The following KIAA0319L variants were observed in gnomAD, a reference collection of about 807,000 sequenced individuals.
KIAA0319L encodes dyslexia-associated protein KIAA0319-like protein.
Under a neutral mutation model 120.1 loss-of-function variants are expected in KIAA0319L, and 55 were observed. The ratio of observed to expected loss-of-function variants is 0.46; its 90% CI spans 0.37 to 0.57. The LOEUF is 0.57. Among genes scored for constraint, KIAA0319L ranks in the 20% least tolerant of loss-of-function variants. The probability of loss-of-function intolerance (pLI) is 0.00; values close to 1 mark genes in which losing one functional copy is unlikely to be tolerated. For missense variants in KIAA0319L, 1,049 were observed against 1,255.3 expected (o/e 0.84, Z 2.48); for synonymous variants, 398 against 471.9 (o/e 0.84, Z 2.03).
In KIAA0319L at chr1:35,454,484, C is replaced by T; in HGVS notation, c.1658G>A (p.Gly553Asp). 1 of 1,613,892 alleles carries T rather than the reference C, an allele frequency of 6.2e-7. No individual in the cohort carries two copies. The highest frequency in any genetic ancestry group is 8.5e-7 in the Non-Finnish European group (1 of 1,179,844). ...GAGCTGTAAGGTTGGTGTTCTAACA[C>T]CCTACAAATACAAATACAGAAGTGG... ...SSKGKVVEMQGVRTPTLQLSA... is the reference protein window; with the variant it reads ...SSKGKVVEMQDVRTPTLQLSA... Residue 553 changes from glycine (G) to aspartate (D), a missense_variant and splice_region_variant, in exon 11 of 21, where the codon GGT becomes GAT. Physicochemically the swap from Gly to Asp is moderately conservative, Grantham distance 94. Transcript: ENST00000325722.
At chr1:35,533,890 CA>C (rs1374009505) in intron 2 of KIAA0319L, among the ~76,000 whole-genome samples, 1 of 151,832 alleles carries the variant, frequency 6.6e-6, no homozygotes, top group Non-Finnish European at 1.5e-5. Context: ...CACTAATAAA[CA>C]AATACAAAAA....
chr1:35,544,499 C>A (rs1646912792), intron 2 of KIAA0319L, among the ~76,000 whole-genome samples: 1 of 151,940 alleles, frequency 6.6e-6, no homozygotes, highest in Admixed American at 6.6e-5. Context: ...GAGGATATAG[C>A]AAAAATTACT....
chr1:35,515,262 A>T (rs1351174970), intron 2 of KIAA0319L, among the ~76,000 whole-genome samples: 1 of 151,446 alleles, frequency 6.6e-6, no homozygotes, highest in Non-Finnish European at 1.5e-5. Flanking sequence ...TAGTGAGCTG[A>T]GATCGTGCCA....
intron 2 of KIAA0319L, among the ~76,000 whole-genome samples, chr1:35,537,195 C>T (rs1646608431): frequency 6.6e-6 from 1 of 152,074 alleles, no homozygotes; most frequent in African/African-American, 2.4e-5. Context: ...CTACCAATTC[C>T]CTGTGTAGCC....
At chr1:35,438,175 T>G (rs1640933045) in intron 20 of KIAA0319L, among the ~76,000 whole-genome samples, 1 of 152,230 alleles carries the variant, frequency 6.6e-6, no homozygotes. Flanking sequence ...TAGTCAAACT[T>G]TCACAATTTG....
At chr1:35,443,388 C>T in intron 17 of KIAA0319L, 1 of 189,036 alleles carries the variant, frequency 5.3e-6, no homozygotes, top group South Asian at 1.0e-4. Flanking sequence ...TTTAAGAAGA[C>T]AGGCTGGGCA....
chr1:35,436,417 C>T (rs1185505745), intron 20 of KIAA0319L, among the ~76,000 whole-genome samples: 2 of 152,142 alleles, frequency 1.3e-5, no homozygotes, highest in Admixed American at 6.5e-5. Flanking sequence ...CTTCGGGCAG[C>T]GGAGCAGCAG....
chr1:35,501,249 T>A (rs1644994660), intron 3 of KIAA0319L, among the ~76,000 whole-genome samples: 1 of 152,224 alleles, frequency 6.6e-6, no homozygotes, highest in African/African-American at 2.4e-5. Flanking sequence ...GACCCAAGTT[T>A]GAATTTTCAC....
In KIAA0319L at chr1:35,551,901, T is replaced by C. The variant is rs117586067; in HGVS notation, c.142+2449A>G. Among the ~76,000 whole-genome samples the C allele has an allele frequency of 4.5e-3, 679 of 152,302 alleles. 20 individuals carry two copies. In the East Asian group the frequency reaches 0.1, roughly 23 times the overall value. ...TGTTTTTAAGCACCAAGCTCAAGGT[T>C]ACTAAAGACTTGCACAATGAGCCTA... On this transcript the variant is annotated intron_variant, in intron 2 of 20. Transcript: ENST00000325722.
At chr1:35,521,650 T>A (rs752907041) in intron 2 of KIAA0319L, among the ~76,000 whole-genome samples, 15 of 134,340 alleles carry the variant, frequency 1.1e-4, no homozygotes, top group Non-Finnish European at 1.8e-4. Context: ...ATAATAATAA[T>A]AAAATAAATA....
At chr1:35,465,562 G>A (rs1029324966) in intron 7 of KIAA0319L, among the ~76,000 whole-genome samples, 2 of 152,202 alleles carry the variant, frequency 1.3e-5, no homozygotes, top group South Asian at 2.1e-4. Context: ...TGAGACATTG[G>A]ACTGTGGACT....
chr1:35,450,071 C>T, intron 14 of KIAA0319L, 66 bp from the exon 15 acceptor site: 3 of 1,583,930 alleles, frequency 1.9e-6, no homozygotes, highest in Non-Finnish European at 1.7e-6. Context: ...GAGTCAGTTG[C>T]TGCTTTCACC....
intron 3 of KIAA0319L, among the ~76,000 whole-genome samples, chr1:35,494,113 C>G (rs967823927): frequency 1.3e-5 from 2 of 152,122 alleles, no homozygotes; most frequent in South Asian, 2.1e-4. Context: ...CTAAAATGGG[C>G]AATTTTGATC....
intron 3 of KIAA0319L, among the ~76,000 whole-genome samples, chr1:35,497,230 A>T (rs1570828242): frequency 6.7e-6 from 1 of 149,568 alleles, no homozygotes; most frequent in South Asian, 2.1e-4. Flanking sequence ...GTACGGCAGG[A>T]AAAAGACAAA....
chr1:35,479,406 C>G (rs1327756556), intron 3 of KIAA0319L, among the ~76,000 whole-genome samples, 194 bp from the exon 4 acceptor site: 1 of 151,930 alleles, frequency 6.6e-6, no homozygotes, highest in East Asian at 1.9e-4. Context: ...TTTTCCTAGC[C>G]AAAATGTTTT....
intron 13 of KIAA0319L, 24 bp from the exon 14 acceptor site, chr1:35,450,533 A>C: frequency 2.5e-6 from 4 of 1,581,066 alleles, no homozygotes; most frequent in Non-Finnish European, 3.5e-6. Flanking sequence ...AATCATTGAC[A>C]TAATGTGACA....
In KIAA0319L at chr1:35,450,486, T is replaced by G; in HGVS notation, c.2086A>C (p.Lys696Gln). 6.2e-7 allele frequency: 1 copy of G among 1,613,368 alleles called. No homozygotes were observed. Among genetic ancestry groups the G allele is most frequent in the Non-Finnish European group, 8.5e-7 (1 of 1,179,570 alleles). The change falls in exon 14 of 21, where the codon AAG becomes CAG. Residue 696 changes from lysine (K) to glutamine (Q), a missense_variant. Coordinates refer to ENST00000325722, the MANE Select transcript of KIAA0319L (RefSeq NM_024874.5). ...KEEINKPPIA[K>Q]ITGNVVITLP... is the part of the protein sequence containing the mutation. ...GTAATCACCACATTCCCAGTTATCT[T>G]GGCTATAGGTGGTTTGTTTATTTCT...
At chr1:35,537,385 CTTT>C (rs138689877) in intron 2 of KIAA0319L, among the ~76,000 whole-genome samples, 4 of 126,794 alleles carry the variant, frequency 3.2e-5, no homozygotes, top group African/African-American at 1.2e-4. Flanking sequence ...CTTTCCTTTC[CTTT>C]TTTTTTTTTT....
chr1:35,521,865 T>A (rs60317503), intron 2 of KIAA0319L, among the ~76,000 whole-genome samples: 1 of 146,884 alleles, frequency 6.8e-6, no homozygotes, highest in African/African-American at 2.5e-5. Flanking sequence ...CCCAGCTATC[T>A]GGGACGCTGA....
Sources: gnomAD v4.1 joint callset for allele counts (sites outside exome capture counted in the v4.1 genomes callset) on GRCh38, gnomAD v4.1.1 for gene constraint, MANE v1.5 for transcripts, NCBI Gene and HGNC (gene_info 2026-07-23, HGNC 2026-07-21) for gene names.